XXYLT1: variants seen among roughly 807,000 people sequenced by gnomAD.
The protein encoded by XXYLT1 is xyloside xylosyltransferase 1, also known as UDP-xylose:alpha-xyloside alpha-1,3-xylosyltransferase.
Under a neutral mutation model 28.9 loss-of-function variants are expected in XXYLT1, and 20 were observed. That is an observed-to-expected ratio of 0.69 (90% confidence interval 0.49 to 1.00). The LOEUF is 1.00. XXYLT1 is among the 50% of genes least tolerant of loss of function. XXYLT1 has a pLI of 0.00. For missense variants in XXYLT1, 542 were observed against 560.1 expected, an observed-to-expected ratio of 0.97 and a Z score of 0.33; for synonymous variants, 257 against 253.8, an observed-to-expected ratio of 1.01 and a Z score of -0.12.
intron 3 of XXYLT1, among the ~76,000 whole-genome samples, chr3:195,128,837 C>T (rs538161440): frequency 6.6e-6 from 1 of 152,150 alleles, no homozygotes; most frequent in Non-Finnish European, 1.5e-5. Flanking sequence ...TCTGTCTCTT[C>T]AAATCTTAAA....
At chr3:195,146,284 T>A (rs1719842385) in intron 3 of XXYLT1, among the ~76,000 whole-genome samples, 1 of 152,230 alleles carries the variant, frequency 6.6e-6, no homozygotes, top group South Asian at 2.1e-4. Context: ...GCTATTTTGC[T>A]TTTTTTCCCC....
At chr3:195,111,499 C>G (rs987406464) in intron 3 of XXYLT1, among the ~76,000 whole-genome samples, 5 of 151,968 alleles carry the variant, frequency 3.3e-5, no homozygotes, top group Non-Finnish European at 7.4e-5. Context: ...GTGGGCTGGG[C>G]CTGTGTGTAT....
chr3:195,143,843 GATATATATAT>G lies in XXYLT1; in HGVS notation c.785+12596_785+12605del, dbSNP rs72344936. ...ATAGATATATATAGATATAGATATA[GATATATATAT>G]AGATATATATAGATATAGATATATA... On this transcript the variant is annotated intron_variant, in intron 3 of 3. Transcript: ENST00000310380. Among the ~76,000 whole-genome samples, 3 of 89,408 alleles carry G rather than the reference GATATATATAT, an allele frequency of 3.4e-5. 1 individual carries two copies. The East Asian group carries it at 3.6e-3, about 108-fold the overall frequency. The allele number at this position is 89,408 out of a possible 152,430, so 58.7% of individuals were successfully genotyped here.
intron 2 of XXYLT1, among the ~76,000 whole-genome samples, chr3:195,162,253 C>T (rs895819075): frequency 2.6e-5 from 4 of 152,202 alleles, no homozygotes; most frequent in Non-Finnish European, 4.4e-5. Flanking sequence ...CCCTGCCTTC[C>T]GGGCTCCTGG....
At chr3:195,162,649 T>C (rs1289041299) in intron 2 of XXYLT1, among the ~76,000 whole-genome samples, 1 of 152,236 alleles carries the variant, frequency 6.6e-6, no homozygotes, top group Non-Finnish European at 1.5e-5. Context: ...AGACACAGTT[T>C]TTGCTTCAGC....
At chr3:195,103,800 G>A (rs1716941090) in intron 3 of XXYLT1, among the ~76,000 whole-genome samples, 1 of 152,180 alleles carries the variant, frequency 6.6e-6, no homozygotes, top group Non-Finnish European at 1.5e-5. Flanking sequence ...TGTGTCCTTT[G>A]ACCTCATGGA....
At position 195,176,278 on chromosome 3, in the gene XXYLT1, TAAC is replaced by T. The variant is rs1408427392; in HGVS notation, c.653-19700_653-19698del. The stretch of plus-strand genomic sequence containing the variant: ...CACCATGTTGCCCAGGCTGTAATTT[TAAC>T]AACATGACCACATTCCAGTAATGAC... On this transcript the variant is annotated intron_variant, in intron 2 of 3. Transcript: ENST00000310380. The surrounding 1 kb of genome is among the most constrained non-coding windows in gnomAD (Gnocchi z 4.9). Among the ~76,000 whole-genome samples, 2 of 152,290 alleles carry T rather than the reference TAAC, an allele frequency of 1.3e-5. No individual in the cohort carries two copies. The highest frequency in any genetic ancestry group is 4.1e-4 in the South Asian group (2 of 4,820).
intron 1 of XXYLT1, among the ~76,000 whole-genome samples, chr3:195,241,003 T>C (rs1724751536): frequency 1.3e-5 from 2 of 152,228 alleles, no homozygotes; most frequent in South Asian, 4.1e-4. Flanking sequence ...GAGGTCTTAA[T>C]GTATCAGAAA....
chr3:195,176,994 C>T lies in XXYLT1; in HGVS notation c.653-20413G>A, dbSNP rs990687888. ...CCACAGCAGGTCGGGGACCACATGC[C>T]GCCCTCCTCGCTGGGCTCTCACATC... On this transcript the variant is annotated intron_variant, in intron 2 of 3. Coordinates refer to ENST00000310380, the MANE Select transcript of XXYLT1 (RefSeq NM_152531.5). This position sits in a 1 kb window ranked among gnomAD's most constrained non-coding sequence, Gnocchi z 4.9. Among the ~76,000 whole-genome samples, 4 of 152,214 alleles carry T rather than the reference C, an allele frequency of 2.6e-5. No homozygotes were observed. The highest frequency in any genetic ancestry group is 4.4e-5 in the Non-Finnish European group (3 of 68,034).
At chr3:195,126,887 T>C (rs1309969117) in intron 3 of XXYLT1, among the ~76,000 whole-genome samples, 1 of 152,246 alleles carries the variant, frequency 6.6e-6, no homozygotes, top group Non-Finnish European at 1.5e-5. Flanking sequence ...TCTTGCCTGG[T>C]TGCGATGCAG....
chr3:195,204,611 C>T (rs748194502), intron 2 of XXYLT1, among the ~76,000 whole-genome samples: 8 of 152,118 alleles, frequency 5.3e-5, no homozygotes, highest in Non-Finnish European at 1.0e-4. Context: ...CCACAGTGGC[C>T]GTGCCGAAGC....
chr3:195,100,954 T>C (rs1716742473), intron 3 of XXYLT1, among the ~76,000 whole-genome samples: 1 of 152,262 alleles, frequency 6.6e-6, no homozygotes. Flanking sequence ...TCTAGACAGG[T>C]ATACTTTCAC....
intron 2 of XXYLT1, among the ~76,000 whole-genome samples, chr3:195,157,266 A>AC (rs1720652547): frequency 7.2e-6 from 1 of 138,568 alleles, no homozygotes; most frequent in Non-Finnish European, 1.5e-5. Context: ...AAAAAAAAAA[A>AC]CCCTCAAAGC....
chr3:195,155,514 C>T (rs59910866), intron 3 of XXYLT1, among the ~76,000 whole-genome samples: 19,332 of 151,782 alleles, frequency 0.13, 1,776 homozygotes, highest in East Asian at 0.41. Flanking sequence ...TAATCAAAAC[C>T]CGCTTCAGCT....
intron 1 of XXYLT1, among the ~76,000 whole-genome samples, chr3:195,244,339 T>C (rs1027443217): frequency 6.6e-6 from 1 of 152,242 alleles, no homozygotes; most frequent in Non-Finnish European, 1.5e-5. Context: ...CTCTGGGTCC[T>C]GGGTCTCCAG....
chr3:195,202,835 T>C (rs1032326805), intron 2 of XXYLT1, among the ~76,000 whole-genome samples: 42 of 152,148 alleles, frequency 2.8e-4, no homozygotes, highest in African/African-American at 8.7e-4. Context: ...AGGACAAGAG[T>C]AGTTCATTTC....
rs752552927 is a variant in XXYLT1 at position 195,150,360 on chromosome 3, GGC to G, written c.785+6087_785+6088del. On this transcript the variant is annotated intron_variant, in intron 3 of 3. Transcript: ENST00000310380. The surrounding 1 kb of genome is among the most constrained non-coding windows in gnomAD (Gnocchi z 4.7). Reference sequence around the variant, plus strand: ...CACCCTCCCTTCTTCCCTCTGTGCTGGCGCTCACTCCCTCCCCAACACTCCCC... The same window carrying G: ...CACCCTCCCTTCTTCCCTCTGTGCTGGCTCACTCCCTCCCCAACACTCCCC... Among the ~76,000 whole-genome samples the G allele has an allele frequency of 1.2e-4, 19 of 152,096 alleles. No individual in the cohort carries two copies. Among genetic ancestry groups the G allele is most frequent in the Non-Finnish European group, 1.9e-4 (13 of 67,998 alleles).
chr3:195,261,993 G>C (rs555055798), intron 1 of XXYLT1, among the ~76,000 whole-genome samples: 3 of 152,324 alleles, frequency 2.0e-5, no homozygotes, highest in African/African-American at 7.2e-5. Flanking sequence ...TCCACTGCTA[G>C]GTTATACCCC....
intron 3 of XXYLT1, among the ~76,000 whole-genome samples, chr3:195,151,625 AATT>A (rs1402383644): frequency 1.3e-5 from 2 of 152,104 alleles, no homozygotes; most frequent in Admixed American, 6.5e-5. Context: ...AACAATAAAC[AATT>A]ATTTAGTATA....
Sources: gnomAD v4.1 joint callset for allele counts (sites outside exome capture counted in the v4.1 genomes callset) on GRCh38, gnomAD v4.1.1 for gene constraint, Gnocchi (gnomAD v3.1) non-coding constraint, MANE v1.5 for transcripts, NCBI Gene and HGNC (gene_info 2026-07-23, HGNC 2026-07-21) for gene names.